Variants in FBXO6 observed in about 807,000 individuals in gnomAD.
FBXO6 encodes F-box protein 6.
Under a neutral mutation model 25.0 loss-of-function variants are expected in FBXO6, and 13 were observed. That is an observed-to-expected ratio of 0.52 (90% confidence interval 0.34 to 0.83). FBXO6 has a LOEUF of 0.83. FBXO6 is among the 40% of genes least tolerant of loss of function. The pLI, the probability that FBXO6 is intolerant of heterozygous loss-of-function variation, is 0.02. For synonymous variants in FBXO6, 138 were observed against 155.3 expected (o/e 0.89, Z 0.83); for missense variants, 370 against 380.2 (o/e 0.97, Z 0.22).
chr1:11,666,467 C>T (rs895809148), intron 1 of FBXO6, among the ~76,000 whole-genome samples: 2 of 151,778 alleles, frequency 1.3e-5, no homozygotes, highest in African/African-American at 2.4e-5. Flanking sequence ...CCACAACCTC[C>T]GCCTCCCAGG....
intron 2 of FBXO6, among the ~76,000 whole-genome samples, chr1:11,669,656 A>G (rs1640551141): frequency 9.9e-6 from 1 of 100,868 alleles, no homozygotes; most frequent in Non-Finnish European, 1.9e-5. Flanking sequence ...ACGTGTATAC[A>G]TATACACATG....
Position 11,668,754 on chromosome 1 carries a change from G to T in FBXO6, c.96G>T (p.Gln32His), listed in dbSNP as rs1014110632. Residue 32 changes from glutamine to histidine, a missense_variant, in exon 2 of 6, where the codon CAG becomes CAT. Transcript: ENST00000376753. ...LELFTHVPAR[Q>H]LLLNCRLVCS... ...TGTTCACGCACGTGCCCGCCCGCCA[G>T]CTGCTGCTGAACTGCCGCCTGGTCT... 1.2e-6 allele frequency: 2 copies of T among 1,613,876 alleles called. No homozygotes were observed. The highest frequency in any genetic ancestry group is 2.7e-5 in the African/African-American group (2 of 74,930).
intron 2 of FBXO6, among the ~76,000 whole-genome samples, chr1:11,669,687 C>T (rs920116347): frequency 7.5e-5 from 10 of 132,614 alleles, no homozygotes; most frequent in East Asian, 4.2e-4. Context: ...CACATATATA[C>T]GTATATATAC....
At position 11,671,324 on chromosome 1, in the gene FBXO6, C is replaced by A. The variant is rs1240296577; in HGVS notation, c.345C>A (p.Ser115Arg). Residue 115 changes from serine (S) to arginine (R), a missense_variant, in exon 3 of 6, where the codon AGC becomes AGA. Transcript: ENST00000376753. ...FNGGDRWKVESLPGAHGTDFP... is the reference protein window; with the variant it reads ...FNGGDRWKVERLPGAHGTDFP... The stretch of plus-strand genomic sequence containing the variant: ...GTGGGGACCGCTGGAAGGTGGAGAG[C>A]CTCCCTGGAGCCCACGGGACAGATT... The A allele has an allele frequency of 1.2e-6, 2 of 1,613,966 alleles. No homozygotes were observed. The highest frequency in any genetic ancestry group is 1.7e-6 in the Non-Finnish European group (2 of 1,179,976).
In FBXO6 at chr1:11,673,443, C is replaced by G; in HGVS notation, c.645+31C>G. On this transcript the variant is annotated intron_variant, in intron 5 of 5. Coordinates refer to ENST00000376753, the MANE Select transcript of FBXO6 (RefSeq NM_018438.6). The surrounding 1 kb of genome is among the most constrained non-coding windows in gnomAD (Gnocchi z 4.3). ...GCCTCACCCACTTGCTCTCTCTACC[C>G]ACTCCTCCCAGGGCCAGGATGGCAG... 1 of 1,609,084 alleles carries G rather than the reference C, an allele frequency of 6.2e-7. No individual in the cohort carries two copies. Among genetic ancestry groups the G allele is most frequent in the Non-Finnish European group, 8.5e-7 (1 of 1,176,922 alleles).
intron 3 of FBXO6, among the ~76,000 whole-genome samples, chr1:11,671,628 C>T (rs534856230): frequency 6.6e-6 from 1 of 152,314 alleles, no homozygotes; most frequent in Middle Eastern, 3.4e-3. Context: ...TTAAGATAAG[C>T]CAGGGCTATC....
At position 11,668,821 on chromosome 1, in the gene FBXO6, A is replaced by G; in HGVS notation, c.163A>G (p.Lys55Glu). The change falls in exon 2 of 6, where the codon AAA becomes GAA. Residue 55 changes from lysine to glutamate, a missense_variant. Physicochemically the swap from Lys to Glu is moderately conservative, Grantham distance 56. Transcript: ENST00000376753. ...RDLIDLMTLW[K>E]RKCLREGFIT... Reference sequence around the variant, plus strand: ...CCTCATCGACCTCATGACCCTCTGGAAACGCAAGTGCCTGCGAGAGGGCTT... The same window carrying G: ...CCTCATCGACCTCATGACCCTCTGGGAACGCAAGTGCCTGCGAGAGGGCTT... 6.2e-7 allele frequency: 1 copy of G among 1,614,136 alleles called. No individual in the cohort carries two copies. The highest frequency in any genetic ancestry group is 8.5e-7 in the Non-Finnish European group (1 of 1,180,024).
intron 3 of FBXO6, 118 bp from the exon 4 acceptor site, chr1:11,671,810 G>A: frequency 1.1e-6 from 1 of 891,362 alleles, no homozygotes; most frequent in South Asian, 1.4e-5. Context: ...AGCGGCCAAG[G>A]GGTACCCTAG....
chr1:11,670,219 A>G (rs1211946440), intron 2 of FBXO6, among the ~76,000 whole-genome samples: 1 of 151,442 alleles, frequency 6.6e-6, no homozygotes, highest in Non-Finnish European at 1.5e-5. Flanking sequence ...TCTCAAAAAA[A>G]AAAAAAAAAG....
intron 2 of FBXO6, among the ~76,000 whole-genome samples, chr1:11,670,588 A>T (rs1640587346): frequency 6.8e-6 from 1 of 147,290 alleles, no homozygotes; most frequent in South Asian, 2.3e-4. Context: ...CTGTGTTGGG[A>T]TGAACACGTT....
At chr1:11,667,849 T>C (rs1640486082) in intron 1 of FBXO6, among the ~76,000 whole-genome samples, 1 of 152,124 alleles carries the variant, frequency 6.6e-6, no homozygotes. Flanking sequence ...TCCCAGCACT[T>C]TGGGAGGCCG....
In FBXO6 at chr1:11,668,877, C is replaced by A. The variant is rs150942470; in HGVS notation, c.219C>A (p.Ala73=). 1.9e-6 allele frequency: 3 copies of A among 1,614,104 alleles called. No homozygotes were observed. The highest frequency in any genetic ancestry group is 1.3e-5 in the African/African-American group (1 of 75,016). ...CCAAGGACTGGGACCAGCCCGTGGC[C>A]GACTGGAAAATCTTCTACTTCCTAC... is the stretch of plus-strand genomic sequence containing the variant. The part of the protein sequence containing the change: ...FITKDWDQPV[A]DWKIFYFLRS... The change falls in exon 2 of 6, where the codon GCC becomes GCA. Residue 73 remains alanine, a synonymous_variant. Coordinates refer to ENST00000376753, the MANE Select transcript of FBXO6 (RefSeq NM_018438.6).
chr1:11,670,837 T>A (rs1204260265), intron 2 of FBXO6, among the ~76,000 whole-genome samples: 1 of 152,192 alleles, frequency 6.6e-6, no homozygotes, highest in African/African-American at 2.4e-5. Flanking sequence ...TTCCCAGAGT[T>A]CCACCGCAAC....
In FBXO6 at chr1:11,673,201, T is replaced by C; in HGVS notation, c.510-76T>C. 6.6e-7 allele frequency: 1 copy of C among 1,521,084 alleles called. No homozygotes were observed. Among genetic ancestry groups the C allele is most frequent in the East Asian group, 2.3e-5 (1 of 43,928 alleles). 94.2% of individuals were successfully genotyped at this position (1,521,084 alleles called of 1,614,324 possible). On this transcript the variant is annotated intron_variant, in intron 4 of 5. Transcript: ENST00000376753. This position sits in a 1 kb window ranked among gnomAD's most constrained non-coding sequence, Gnocchi z 4.3. The stretch of plus-strand genomic sequence containing the variant: ...GGAGATGAAGCTCCGAGCTCCAATG[T>C]ATAGGTCCCACCTGCCCCCACCCCT...
In FBXO6 at chr1:11,673,509, G is replaced by T; in HGVS notation, c.645+97G>T. 1 of 1,576,264 alleles carries T rather than the reference G, an allele frequency of 6.3e-7. No individual in the cohort carries two copies. Among genetic ancestry groups the T allele is most frequent in the Non-Finnish European group, 8.6e-7 (1 of 1,157,186 alleles). ...CTCAGGGCCCAGGGTGCCCCTGCTG[G>T]CCTGGAGCTGTTGCCTTCCAGCCTG... On this transcript the variant is annotated intron_variant, in intron 5 of 5. Coordinates refer to ENST00000376753, the MANE Select transcript of FBXO6 (RefSeq NM_018438.6). This position sits in a 1 kb window ranked among gnomAD's most constrained non-coding sequence, Gnocchi z 4.3.
chr1:11,669,663 C>CATGTATAT (rs61624403), intron 2 of FBXO6, among the ~76,000 whole-genome samples: 39,275 of 124,282 alleles, frequency 0.32, 5,731 homozygotes, highest in Non-Finnish European at 0.34. Flanking sequence ...TACATATACA[C>CATGTATAT]ATGTATATAT....
chr1:11,673,325 G>A lies in FBXO6; in HGVS notation c.558G>A (p.Gln186=), dbSNP rs749983363. 3.1e-6 allele frequency: 5 copies of A among 1,613,944 alleles called. No homozygotes were observed. The highest frequency in any genetic ancestry group is 1.3e-5 in the African/African-American group (1 of 74,940). The change falls in exon 5 of 6, where the codon CAG becomes CAA. Residue 186 remains glutamine (Q), a synonymous_variant. Coordinates refer to ENST00000376753, the MANE Select transcript of FBXO6 (RefSeq NM_018438.6). This position sits in a 1 kb window ranked among gnomAD's most constrained non-coding sequence, Gnocchi z 4.3. ...DCGCTYQLKV[Q]LASADYFVLA... ...GCTGCACCTACCAACTCAAAGTGCA[G>A]CTGGCCTCGGCTGACTACTTCGTGT...
At chr1:11,666,508 A>G (rs1474338758) in intron 1 of FBXO6, among the ~76,000 whole-genome samples, 1 of 151,354 alleles carries the variant, frequency 6.6e-6, no homozygotes, top group Non-Finnish European at 1.5e-5. Context: ...CAGCCTCCTG[A>G]GTAGCTGAGA....
chr1:11,669,194 G>A (rs930485732), intron 2 of FBXO6, among the ~76,000 whole-genome samples: 9 of 152,198 alleles, frequency 5.9e-5, no homozygotes, highest in East Asian at 1.9e-4. Flanking sequence ...CACAAGGCGC[G>A]GTGGCTCACG....
Sources: gnomAD v4.1 joint callset for allele counts (sites outside exome capture counted in the v4.1 genomes callset) on GRCh38, gnomAD v4.1.1 for gene constraint, Gnocchi (gnomAD v3.1) non-coding constraint, MANE v1.5 for transcripts, NCBI Gene and HGNC (gene_info 2026-07-23, HGNC 2026-07-21) for gene names.